Variants in HORMAD2 observed in about 807,000 individuals in gnomAD.
HORMAD2 encodes the protein HORMA domain-containing protein 2.
In HORMAD2, 45 loss-of-function variants were observed where a neutral mutation model predicts 38.8. The ratio of observed to expected loss-of-function variants is 1.16; its 90% CI spans 0.91 to 1.49. The LOEUF is 1.49. Ranked by LOEUF, HORMAD2 falls within the 40% of genes most tolerant of loss-of-function variation. The pLI, the probability that HORMAD2 is intolerant of heterozygous loss-of-function variation, is 0.00. For missense variants in HORMAD2, 338 were observed against 367.0 expected (o/e 0.92, Z 0.65); for synonymous variants, 126 against 122.8 (o/e 1.03, Z -0.17).
chr22:30,131,769 A>G (rs1446846082), intron 10 of HORMAD2, among the ~76,000 whole-genome samples: 2 of 152,168 alleles, frequency 1.3e-5, no homozygotes, highest in African/African-American at 4.8e-5. Context: ...ATCTTATTTC[A>G]ATTTAAAAAT....
At chr22:30,112,708 T>C (rs1319480771) in intron 7 of HORMAD2, among the ~76,000 whole-genome samples, 186 bp downstream of exon 7, 1 of 152,092 alleles carries the variant, frequency 6.6e-6, no homozygotes, top group Non-Finnish European at 1.5e-5. Context: ...TTTCAAAAAC[T>C]ATGTAAGGGT....
At chr22:30,129,891 C>T (rs1393971288) in intron 10 of HORMAD2, among the ~76,000 whole-genome samples, 1 of 152,036 alleles carries the variant, frequency 6.6e-6, no homozygotes, top group Non-Finnish European at 1.5e-5. Flanking sequence ...TTGGAAAGTC[C>T]AGTATGGTAG....
the HORMAD2 span, among the ~76,000 whole-genome samples, chr22:30,196,116 G>A: frequency 4.8e-3 from 729 of 152,298 alleles, 8 homozygotes; most frequent in African/African-American, 0.017. Context: ...CTTCCCTCAC[G>A]TAATCCCCTC....
intron 1 of HORMAD2, among the ~76,000 whole-genome samples, chr22:30,090,378 C>T (rs543274094): frequency 2.0e-5 from 3 of 152,086 alleles, no homozygotes; most frequent in Non-Finnish European, 4.4e-5. Context: ...CAAAACAAAA[C>T]AAACAAATAA....
intron 10 of HORMAD2, among the ~76,000 whole-genome samples, chr22:30,160,222 G>A (rs1164732044): frequency 1.3e-5 from 2 of 151,470 alleles, no homozygotes; most frequent in Non-Finnish European, 2.9e-5. Flanking sequence ...ATGGTGCCTT[G>A]AATCTTCTGC....
chr22:30,207,400 A>G, the HORMAD2 span, among the ~76,000 whole-genome samples: 1 of 152,214 alleles, frequency 6.6e-6, no homozygotes. Context: ...GAAATGTCCC[A>G]GGCTCTTAAA....
chr22:30,134,616 A>AATT (rs1447253248), intron 10 of HORMAD2, among the ~76,000 whole-genome samples: 5 of 151,474 alleles, frequency 3.3e-5, no homozygotes, highest in African/African-American at 1.2e-4. Flanking sequence ...ATGCTAAAAG[A>AATT]ATTACTCCTC....
At chr22:30,144,577 C>T (rs939120709) in intron 10 of HORMAD2, among the ~76,000 whole-genome samples, 8 of 152,304 alleles carry the variant, frequency 5.3e-5, no homozygotes, top group South Asian at 4.1e-4. Flanking sequence ...ACGGGGACAA[C>T]GGTGTGCTTA....
intron 5 of HORMAD2, among the ~76,000 whole-genome samples, chr22:30,107,555 C>A (rs944761772): frequency 1.3e-4 from 20 of 152,024 alleles, no homozygotes; most frequent in Non-Finnish European, 1.5e-5. Context: ...TTGAGACCGG[C>A]CTGGGCAACA....
intron 2 of HORMAD2, among the ~76,000 whole-genome samples, chr22:30,097,102 A>C (rs953244543): frequency 2.3e-4 from 35 of 152,354 alleles, no homozygotes; most frequent in African/African-American, 8.4e-4. Context: ...GGCTTAAAGA[A>C]AACAGCAAAA....
At chr22:30,145,596 TA>T (rs1011637229) in intron 10 of HORMAD2, among the ~76,000 whole-genome samples, 3 of 151,858 alleles carry the variant, frequency 2.0e-5, no homozygotes, top group Non-Finnish European at 4.4e-5. Context: ...TTAGAAGCTA[TA>T]AAAAAATAGG....
At chr22:30,141,595 C>CTT (rs35003620) in intron 10 of HORMAD2, among the ~76,000 whole-genome samples, 7 of 134,864 alleles carry the variant, frequency 5.2e-5, no homozygotes, top group African/African-American at 1.1e-4. Context: ...AGAGAACATA[C>CTT]TTTTTTTTTT....
At chr22:30,184,042 G>A in the HORMAD2 span, among the ~76,000 whole-genome samples, 1 of 152,198 alleles carries the variant, frequency 6.6e-6, no homozygotes, top group African/African-American at 2.4e-5. Flanking sequence ...CTCCCTATCT[G>A]TGGGTCCCAG....
At chr22:30,110,874 C>T (rs1452592534) in intron 5 of HORMAD2, among the ~76,000 whole-genome samples, 2 of 151,208 alleles carry the variant, frequency 1.3e-5, no homozygotes, top group Non-Finnish European at 3.0e-5. Flanking sequence ...AAATACAGGA[C>T]GGGGCCAGGG....
intron 2 of HORMAD2, among the ~76,000 whole-genome samples, chr22:30,094,349 TG>T (rs753667774): frequency 4.6e-5 from 7 of 152,174 alleles, no homozygotes; most frequent in Non-Finnish European, 8.8e-5. Context: ...TTGCACACCA[TG>T]GTGTAATTAT....
intron 10 of HORMAD2, 141 bp from the exon 11 acceptor site, chr22:30,175,922 G>A: frequency 1.7e-6 from 1 of 592,774 alleles, no homozygotes; most frequent in Non-Finnish European, 3.0e-6. Flanking sequence ...TCTGTGCAGG[G>A]CCAAACCAGC....
intron 10 of HORMAD2, among the ~76,000 whole-genome samples, chr22:30,154,055 A>T (rs1410943394): frequency 6.6e-6 from 1 of 152,138 alleles, no homozygotes; most frequent in Non-Finnish European, 1.5e-5. Flanking sequence ...GCCATACCTG[A>T]TCTGCTCTAG....
intron 10 of HORMAD2, among the ~76,000 whole-genome samples, chr22:30,135,197 C>T (rs547933187): frequency 6.6e-6 from 1 of 152,132 alleles, no homozygotes; most frequent in African/African-American, 2.4e-5. Context: ...ATTCCACTTT[C>T]ACTCATGAAA....
At chr22:30,122,259 A>G (rs1922512768) in intron 10 of HORMAD2, 45 bp downstream of exon 10, 1 of 1,547,328 alleles carries the variant, frequency 6.5e-7, no homozygotes, top group Non-Finnish European at 8.7e-7. Context: ...AGTTAAACAC[A>G]ATTGATATTT....
Sources: gnomAD v4.1 joint callset for allele counts (sites outside exome capture counted in the v4.1 genomes callset) on GRCh38, gnomAD v4.1.1 for gene constraint, MANE v1.5 for transcripts, NCBI Gene and HGNC (gene_info 2026-07-23, HGNC 2026-07-21) for gene names.